Variants in CAMKMT observed in about 807,000 individuals in gnomAD.
The protein encoded by CAMKMT is calmodulin-lysine N-methyltransferase.
In CAMKMT, 53 loss-of-function variants were observed where a neutral mutation model predicts 48.0. The ratio of observed to expected loss-of-function variants is 1.10; its 90% CI spans 0.89 to 1.39. The LOEUF (loss-of-function observed/expected upper bound fraction) is 1.39. CAMKMT is among the 40% of genes most tolerant of loss of function. The pLI, the probability that CAMKMT is intolerant of heterozygous loss-of-function variation, is 0.00. For missense variants in CAMKMT, 428 were observed against 402.7 expected, an observed-to-expected ratio of 1.06 and a Z score of -0.54; for synonymous variants, 165 against 152.3, an observed-to-expected ratio of 1.08 and a Z score of -0.61.
At chr2:44,537,417 A>C (rs1214469578) in intron 3 of CAMKMT, among the ~76,000 whole-genome samples, 1 of 152,238 alleles carries the variant, frequency 6.6e-6, no homozygotes, top group Non-Finnish European at 1.5e-5. Flanking sequence ...ATATGAACAA[A>C]TGTTTCACAT....
chr2:44,640,660 A>G (rs186670190), intron 3 of CAMKMT, among the ~76,000 whole-genome samples: 64 of 152,258 alleles, frequency 4.2e-4, no homozygotes, highest in Non-Finnish European at 7.8e-4. Flanking sequence ...GCTACTTACT[A>G]TTACTATTAT....
intron 3 of CAMKMT, among the ~76,000 whole-genome samples, chr2:44,407,967 G>C (rs1682897804): frequency 6.6e-6 from 1 of 151,672 alleles, no homozygotes; most frequent in Non-Finnish European, 1.5e-5. Flanking sequence ...GGAATGATCA[G>C]GGAAACTTAA....
chr2:44,536,830 A>G (rs1410215580), intron 3 of CAMKMT, among the ~76,000 whole-genome samples: 1 of 152,168 alleles, frequency 6.6e-6, no homozygotes, highest in East Asian at 1.9e-4. Context: ...AGACCAATGG[A>G]ACAGAATAGA....
At chr2:44,539,976 C>G (rs1376571379) in intron 3 of CAMKMT, among the ~76,000 whole-genome samples, 1 of 152,072 alleles carries the variant, frequency 6.6e-6, no homozygotes, top group African/African-American at 2.4e-5. Flanking sequence ...TGAGGCGATA[C>G]TTTGAAACTA....
intron 3 of CAMKMT, among the ~76,000 whole-genome samples, chr2:44,542,628 A>G (rs964462663): frequency 1.3e-5 from 2 of 152,202 alleles, no homozygotes; most frequent in Non-Finnish European, 2.9e-5. Context: ...AAGGCATTAT[A>G]TAGAAAGATC....
chr2:44,393,364 G>T (rs903944796), intron 3 of CAMKMT: 3 of 152,040 alleles, frequency 2.0e-5, no homozygotes, highest in Non-Finnish European at 2.9e-5. Flanking sequence ...GAATTTCTTC[G>T]AATGTTGTGG....
chr2:44,757,383 G>A (rs1680426677), intron 9 of CAMKMT, among the ~76,000 whole-genome samples: 1 of 152,194 alleles, frequency 6.6e-6, no homozygotes, highest in Admixed American at 6.5e-5. Flanking sequence ...CATGGGCTGT[G>A]GAGGCAGAAA....
chr2:44,511,125 G>A (rs1304759876), intron 3 of CAMKMT, among the ~76,000 whole-genome samples: 1 of 152,108 alleles, frequency 6.6e-6, no homozygotes. Flanking sequence ...ACAGGCGTGA[G>A]CCACTGTGCC....
In CAMKMT at chr2:44,541,011, A is replaced by G. The variant is rs1667077804; in HGVS notation, c.376+150706A>G. Among the ~76,000 whole-genome samples the G allele has an allele frequency of 3.3e-5, 5 of 152,154 alleles. No homozygotes were observed. The South Asian group carries it at 1.0e-3, about 32-fold the overall frequency. On this transcript the variant is annotated intron_variant, in intron 3 of 10. Coordinates refer to ENST00000378494, the MANE Select transcript of CAMKMT (RefSeq NM_024766.5). ...GATTTGACATGTCATTTTATTATAT[A>G]CTAATTTCTATATGTACATGGGTAT...
intron 3 of CAMKMT, among the ~76,000 whole-genome samples, chr2:44,408,472 T>C (rs941642567): frequency 1.3e-5 from 2 of 152,134 alleles, no homozygotes; most frequent in Admixed American, 6.5e-5. Context: ...ATTGACCTCT[T>C]TTATTAAAGC....
intron 3 of CAMKMT, among the ~76,000 whole-genome samples, chr2:44,581,703 A>G (rs551133585): frequency 3.2e-4 from 48 of 152,344 alleles, no homozygotes; most frequent in Non-Finnish European, 6.3e-4. Flanking sequence ...TGTTTTTAAA[A>G]AATCTAGATG....
intron 4 of CAMKMT, among the ~76,000 whole-genome samples, chr2:44,704,867 T>G (rs1677465501): frequency 6.6e-6 from 1 of 151,986 alleles, no homozygotes. Context: ...CCATTACGGA[T>G]TCATGCTACG....
chr2:44,613,364 C>A (rs1158484749), intron 3 of CAMKMT, among the ~76,000 whole-genome samples: 1 of 152,132 alleles, frequency 6.6e-6, no homozygotes, highest in Non-Finnish European at 1.5e-5. Context: ...CCTCCAGAAA[C>A]CTCCAGATCT....
At chr2:44,686,807 C>T (rs1226854312) in intron 3 of CAMKMT, among the ~76,000 whole-genome samples, 1 of 152,218 alleles carries the variant, frequency 6.6e-6, no homozygotes, top group African/African-American at 2.4e-5. Flanking sequence ...GAAATGCTCA[C>T]TTATCCAGTG....
intron 3 of CAMKMT, among the ~76,000 whole-genome samples, chr2:44,609,789 T>C (rs1671498525): frequency 6.6e-6 from 1 of 152,170 alleles, no homozygotes; most frequent in African/African-American, 2.4e-5. Context: ...GAAGGGTGGA[T>C]TGGAATCACT....
intron 3 of CAMKMT, among the ~76,000 whole-genome samples, chr2:44,583,938 G>A (rs1669709198): frequency 6.6e-6 from 1 of 152,122 alleles, no homozygotes; most frequent in African/African-American, 2.4e-5. Flanking sequence ...GAGTATATAT[G>A]TATGTATAAG....
chr2:44,452,431 A>G (rs952159084), intron 3 of CAMKMT, among the ~76,000 whole-genome samples: 9 of 152,022 alleles, frequency 5.9e-5, no homozygotes, highest in Non-Finnish European at 1.2e-4. Context: ...ACTGTTTGCC[A>G]CATGTGTGCC....
At chr2:44,666,076 A>T (rs1674949766) in intron 3 of CAMKMT, among the ~76,000 whole-genome samples, 1 of 152,198 alleles carries the variant, frequency 6.6e-6, no homozygotes, top group Admixed American at 6.5e-5. Flanking sequence ...AACTTCAGAG[A>T]TACATCCAGA....
At chr2:44,699,965 G>A (rs894756201) in intron 3 of CAMKMT, among the ~76,000 whole-genome samples, 3 of 152,182 alleles carry the variant, frequency 2.0e-5, no homozygotes, top group African/African-American at 7.2e-5. Context: ...GGCTTCCAAT[G>A]TTTGTCTGCA....
Sources: gnomAD v4.1 joint callset for allele counts (sites outside exome capture counted in the v4.1 genomes callset) on GRCh38, gnomAD v4.1.1 for gene constraint, MANE v1.5 for transcripts, NCBI Gene and HGNC (gene_info 2026-07-23, HGNC 2026-07-21) for gene names.